The following SDC4 variants were observed in gnomAD, a reference collection of about 807,000 sequenced individuals.
SDC4 encodes syndecan-4.
In SDC4, 17 loss-of-function variants were observed where a neutral mutation model predicts 20.5. The ratio of observed to expected loss-of-function variants is 0.83; its 90% CI spans 0.57 to 1.25. SDC4 has a LOEUF of 1.25. Ranked by LOEUF, SDC4 falls within the 50% of genes most tolerant of loss-of-function variation. The pLI is 0.00. For missense variants in SDC4, 241 were observed against 252.3 expected, an observed-to-expected ratio of 0.96 and a Z score of 0.30; for synonymous variants, 107 against 105.3, an observed-to-expected ratio of 1.02 and a Z score of -0.10.
chr20:45,334,426 C>A (rs1987830271), intron 2 of SDC4, among the ~76,000 whole-genome samples: 1 of 152,154 alleles, frequency 6.6e-6, no homozygotes, highest in African/African-American at 2.4e-5. Flanking sequence ...ACTGTAGTAA[C>A]ATTTTTACTA....
chr20:45,343,078 C>A (rs1987978119), intron 1 of SDC4, among the ~76,000 whole-genome samples: 1 of 152,104 alleles, frequency 6.6e-6, no homozygotes, highest in African/African-American at 2.4e-5. Flanking sequence ...GTTTTCTGTA[C>A]CCTCTTTTTC....
chr20:45,340,500 C>T (rs556240894), intron 1 of SDC4, among the ~76,000 whole-genome samples: 1 of 152,370 alleles, frequency 6.6e-6, no homozygotes, highest in South Asian at 2.1e-4. Context: ...ACCCGCCAGT[C>T]CACAACACAC....
At chr20:45,343,991 A>C (rs745846356) in intron 1 of SDC4, among the ~76,000 whole-genome samples, 1 of 152,208 alleles carries the variant, frequency 6.6e-6, no homozygotes, top group Non-Finnish European at 1.5e-5. Flanking sequence ...AAGTCTGTGT[A>C]ACACCAAGCC....
rs1002102642 is a variant in SDC4, at chr20:45,330,218, T to A, written c.445+148A>T. 56 of 690,194 alleles carry A rather than the reference T, an allele frequency of 8.1e-5. No homozygotes were observed. In the African/African-American group the frequency reaches 9.6e-4, roughly 12 times the overall value. The allele number at this position is 690,194 out of a possible 1,614,324, so 42.8% of individuals were successfully genotyped here. ...GAGCCACCCCATAAGGAAGGTGTAG[T>A]CTTTCAATGTTCTAGGGCAACCTGA... On this transcript the variant is annotated intron_variant, in intron 4 of 4. Coordinates refer to ENST00000372733, the MANE Select transcript of SDC4 (RefSeq NM_002999.4).
Position 45,330,575 on chromosome 20 carries a change from G to A in SDC4, c.247-11C>T, listed in dbSNP as rs372191444. On this transcript the variant is annotated splice_polypyrimidine_tract_variant and intron_variant, in intron 3 of 4. Coordinates refer to ENST00000372733, the MANE Select transcript of SDC4 (RefSeq NM_002999.4). ...GTTATCTAGAGGCACCTGGATGGGC[G>A]GAAAGGAGAAGAGACACTCAGCGTA... 7.3e-5 allele frequency: 118 copies of A among 1,612,664 alleles called. No individual in the cohort carries two copies. The highest frequency in any genetic ancestry group is 9.5e-5 in the Non-Finnish European group (112 of 1,179,030).
Position 45,327,190 on chromosome 20 carries a change from C to T in SDC4, c.*74G>A. 6.5e-7 allele frequency: 1 copy of T among 1,544,050 alleles called. No individual in the cohort carries two copies. Among genetic ancestry groups the T allele is most frequent in the South Asian group, 1.1e-5 (1 of 87,896 alleles). ...TCAGTATTAGGTTGACCTCACCCTA[C>T]CCTAATGTCCACCCTTCAAAATCCC... On this transcript the variant is annotated 3_prime_UTR_variant, in exon 5 of 5. Transcript: ENST00000372733.
intron 2 of SDC4, among the ~76,000 whole-genome samples, chr20:45,334,421 A>C (rs2145710880): frequency 6.6e-6 from 1 of 152,326 alleles, no homozygotes; most frequent in South Asian, 2.1e-4. Context: ...ACTCCACTGT[A>C]GTAACATTTT....
chr20:45,332,603 T>C (rs1987795394), intron 3 of SDC4, among the ~76,000 whole-genome samples: 1 of 152,006 alleles, frequency 6.6e-6, no homozygotes, highest in African/African-American at 2.4e-5. Flanking sequence ...TGTTTGTTTG[T>C]TTGTTTGTTT....
At chr20:45,346,186 A>AC (rs1410652082) in intron 1 of SDC4, among the ~76,000 whole-genome samples, 2 of 152,196 alleles carry the variant, frequency 1.3e-5, no homozygotes, top group Non-Finnish European at 2.9e-5. Context: ...AAAGAAAAGG[A>AC]CACGCTGGAT....
intron 2 of SDC4, among the ~76,000 whole-genome samples, chr20:45,333,691 C>T (rs950452107): frequency 2.0e-5 from 3 of 152,000 alleles, no homozygotes; most frequent in Non-Finnish European, 1.5e-5. Context: ...AAATAAATTC[C>T]CTCCATACGT....
chr20:45,334,655 AT>A (rs935348689), intron 2 of SDC4, among the ~76,000 whole-genome samples: 1 of 151,484 alleles, frequency 6.6e-6, no homozygotes, highest in Non-Finnish European at 1.5e-5. Flanking sequence ...CACCTGGCTA[AT>A]TTTTGTATTT....
Position 45,327,225 on chromosome 20 carries a change from C to CT in SDC4, c.*38dup. On this transcript the variant is annotated 3_prime_UTR_variant, in exon 5 of 5. Coordinates refer to ENST00000372733, the MANE Select transcript of SDC4 (RefSeq NM_002999.4). ...CACCCTTCAAAATCCCCTGGCTTCC[C>CT]TCCCCGCTAAAGTCCAAGCCAGTGC... is the stretch of plus-strand genomic sequence containing the variant. 6.2e-7 allele frequency: 1 copy of CT among 1,611,202 alleles called. No individual in the cohort carries two copies. The highest frequency in any genetic ancestry group is 1.7e-4 in the Middle Eastern group (1 of 5,784).
At chr20:45,344,154 G>T (rs968673122) in intron 1 of SDC4, among the ~76,000 whole-genome samples, 1 of 152,136 alleles carries the variant, frequency 6.6e-6, no homozygotes, top group African/African-American at 2.4e-5. Flanking sequence ...GCCTTAAAGA[G>T]GAAAAAAGTA....
At chr20:45,336,169 T>C (rs1355485958) in intron 1 of SDC4, among the ~76,000 whole-genome samples, 1 of 152,116 alleles carries the variant, frequency 6.6e-6, no homozygotes, top group Non-Finnish European at 1.5e-5. Flanking sequence ...TCCCAACACT[T>C]TGGGAGGCGG....
intron 1 of SDC4, among the ~76,000 whole-genome samples, chr20:45,342,678 G>A (rs2145716757): frequency 6.6e-6 from 1 of 152,158 alleles, no homozygotes; most frequent in African/African-American, 2.4e-5. Flanking sequence ...GAAGCAGGAG[G>A]CAAGAACAAG....
At position 45,327,267 on chromosome 20, in the gene SDC4, C is replaced by T. The variant is rs35662991; in HGVS notation, c.594G>A (p.Ala198=). ...YKKAPTNEFY[A] ...AGCCAGTGCCCACAAGCAAGCTTCA[C>T]GCGTAGAACTCATTGGTGGGGGCTT... Residue 198 remains alanine (A), a synonymous_variant, in exon 5 of 5, where the codon GCG becomes GCA. Transcript: ENST00000372733. 3.0e-5 allele frequency: 48 copies of T among 1,614,200 alleles called. No individual in the cohort carries two copies. In the African/African-American group the frequency reaches 4.5e-4, roughly 15 times the overall value.
chr20:45,335,263 A>C (rs890151813), intron 2 of SDC4, among the ~76,000 whole-genome samples: 6 of 150,962 alleles, frequency 4.0e-5, no homozygotes, highest in African/African-American at 1.5e-4. Flanking sequence ...CTGCAGCCCC[A>C]ACCTCCTAGG....
At chr20:45,327,886 C>T (rs887386813) in intron 4 of SDC4, among the ~76,000 whole-genome samples, 2 of 152,210 alleles carry the variant, frequency 1.3e-5, no homozygotes, top group African/African-American at 4.8e-5. Context: ...TTGCCCATCT[C>T]GGCCTCCCAA....
chr20:45,332,328 T>G (rs1041469689), intron 3 of SDC4, among the ~76,000 whole-genome samples: 3 of 151,762 alleles, frequency 2.0e-5, no homozygotes, highest in Admixed American at 6.6e-5. Flanking sequence ...CCAGGCTAAT[T>G]TTTTGTATTT....
Sources: gnomAD v4.1 joint callset for allele counts (sites outside exome capture counted in the v4.1 genomes callset) on GRCh38, gnomAD v4.1.1 for gene constraint, MANE v1.5 for transcripts, NCBI Gene and HGNC (gene_info 2026-07-23, HGNC 2026-07-21) for gene names.